Variants in PIEZO2 observed in about 807,000 individuals in gnomAD.
PIEZO2 encodes piezo-type mechanosensitive ion channel component 2.
In PIEZO2, 172 loss-of-function variants were observed where a neutral mutation model predicts 337.3. The observed-to-expected ratio is 0.51, with a 90% CI of 0.45 to 0.58. PIEZO2 has a LOEUF of 0.58. Ranked by LOEUF, PIEZO2 falls within the 20% of genes least tolerant of loss-of-function variation. The pLI is 0.00. For missense variants in PIEZO2, 3,028 were observed against 3,391.3 expected, an observed-to-expected ratio of 0.89 and a Z score of 2.66; for synonymous variants, 1,251 against 1,228.5, an observed-to-expected ratio of 1.02 and a Z score of -0.38.
intron 18 of PIEZO2, among the ~76,000 whole-genome samples, chr18:10,777,231 G>A (rs906372657): frequency 1.3e-5 from 2 of 152,142 alleles, no homozygotes; most frequent in Non-Finnish European, 2.9e-5. Context: ...CCTTCTCACT[G>A]ACCATTAAGC....
intron 15 of PIEZO2, 84 bp from the exon 16 acceptor site, chr18:10,787,268 A>C: frequency 8.1e-7 from 1 of 1,241,436 alleles, no homozygotes; most frequent in Non-Finnish European, 1.1e-6. Context: ...AATTCAAGTA[A>C]GACAAGTGAT....
chr18:11,056,694 G>A (rs189633067), intron 2 of PIEZO2, among the ~76,000 whole-genome samples: 90 of 152,206 alleles, frequency 5.9e-4, no homozygotes, highest in African/African-American at 2.1e-3. Flanking sequence ...AAGAACGAGG[G>A]CCATCCAGGA....
chr18:11,106,486 T>C lies in PIEZO2; in HGVS notation c.65-40264A>G, dbSNP rs140135476. 7.6e-3 allele frequency among the ~76,000 whole-genome samples: 1,117 copies of C among 147,610 alleles called. 16 individuals carry two copies. Among genetic ancestry groups the C allele is most frequent in the African/African-American group, 0.027 (1,047 of 39,374 alleles). On this transcript the variant is annotated intron_variant, in intron 1 of 55. Coordinates refer to ENST00000674853, the MANE Select transcript of PIEZO2 (RefSeq NM_001378183.1). ...TCAGTGGTGCAATCATAGCTCATTG[T>C]AACCGTGAACTCCTGGGCTCGGGTG...
intron 27 of PIEZO2, among the ~76,000 whole-genome samples, chr18:10,754,673 A>G (rs531170276): frequency 1.1e-3 from 170 of 152,322 alleles, no homozygotes; most frequent in Admixed American, 4.1e-3. Flanking sequence ...TAAAAATGGA[A>G]GTCTTACCTT....
chr18:11,070,749 G>T lies in PIEZO2; in HGVS notation c.65-4527C>A, dbSNP rs145431601. ...AACGTGCTGCCACAACCAGGAAGCTGGAAGCAAGAAGGGGAGGCCCGGGAG... is the reference window on the plus strand; with the variant it reads ...AACGTGCTGCCACAACCAGGAAGCTTGAAGCAAGAAGGGGAGGCCCGGGAG... On this transcript the variant is annotated intron_variant, in intron 1 of 55. Coordinates refer to ENST00000674853, the MANE Select transcript of PIEZO2 (RefSeq NM_001378183.1). The surrounding 1 kb of genome is among the most constrained non-coding windows in gnomAD (Gnocchi z 4.3). Among the ~76,000 whole-genome samples, 1 of 152,304 alleles carries T rather than the reference G, an allele frequency of 6.6e-6. No individual in the cohort carries two copies. Among genetic ancestry groups the T allele is most frequent in the African/African-American group, 2.4e-5 (1 of 41,570 alleles).
At chr18:11,062,019 C>T (rs1321962952) in intron 2 of PIEZO2, among the ~76,000 whole-genome samples, 2 of 152,140 alleles carry the variant, frequency 1.3e-5, no homozygotes, top group Non-Finnish European at 2.9e-5. Flanking sequence ...TACTACAAGG[C>T]TACAGTAACC....
At position 10,846,607 on chromosome 18, in the gene PIEZO2, G is replaced by A. The variant is rs541648193; in HGVS notation, c.917+8746C>T. On this transcript the variant is annotated intron_variant, in intron 7 of 55. Coordinates refer to ENST00000674853, the MANE Select transcript of PIEZO2 (RefSeq NM_001378183.1). This position sits in a 1 kb window ranked among gnomAD's most constrained non-coding sequence, Gnocchi z 4.1. ...GCCCATCATGGCTCTGAAGAACTGG[G>A]TCCTAGTGAGTCAGACATATGCATG... 2.0e-5 allele frequency among the ~76,000 whole-genome samples: 3 copies of A among 152,166 alleles called. No homozygotes were observed. The East Asian group carries it at 5.8e-4, about 29-fold the overall frequency.
chr18:10,842,911 C>G (rs969949393), intron 7 of PIEZO2, among the ~76,000 whole-genome samples: 2 of 152,214 alleles, frequency 1.3e-5, no homozygotes, highest in Non-Finnish European at 2.9e-5. Flanking sequence ...GCTTTTGTAG[C>G]AAATTCTGTA....
At chr18:10,825,518 CTCT>C (rs2040643087) in intron 7 of PIEZO2, among the ~76,000 whole-genome samples, 1 of 120,596 alleles carries the variant, frequency 8.3e-6, no homozygotes, top group African/African-American at 3.4e-5. Flanking sequence ...AAAGAAGTTG[CTCT>C]TTTTTTTTCC....
Position 10,884,523 on chromosome 18 carries a change from C to A in PIEZO2, c.330-13108G>T, listed in dbSNP as rs539726086. Reference sequence around the variant, plus strand: ...AAAAACAGAGCCACACCACATGGCTCACATCCTGAAATGGCTTGCCTTCCA... The same window carrying A: ...AAAAACAGAGCCACACCACATGGCTAACATCCTGAAATGGCTTGCCTTCCA... On this transcript the variant is annotated intron_variant, in intron 4 of 55. Transcript: ENST00000674853. Among the ~76,000 whole-genome samples the A allele has an allele frequency of 2.0e-4, 30 of 152,284 alleles. No individual in the cohort carries two copies. In the East Asian group the frequency reaches 4.3e-3, roughly 22 times the overall value.
At chr18:10,990,487 G>C (rs2035046548) in intron 2 of PIEZO2, among the ~76,000 whole-genome samples, 2 of 152,032 alleles carry the variant, frequency 1.3e-5, no homozygotes, top group Non-Finnish European at 2.9e-5. Flanking sequence ...CTGGGCCTTG[G>C]TCTGCCCCCG....
intron 2 of PIEZO2, among the ~76,000 whole-genome samples, chr18:11,051,249 A>G (rs946404917): frequency 1.3e-5 from 2 of 152,100 alleles, no homozygotes; most frequent in Non-Finnish European, 2.9e-5. Flanking sequence ...TGCATTCAGA[A>G]CAAAGGCTCT....
chr18:11,060,125 C>T (rs7407896), intron 2 of PIEZO2, among the ~76,000 whole-genome samples: 69,211 of 151,958 alleles, frequency 0.46, 18,720 homozygotes, highest in East Asian at 0.95. Flanking sequence ...ACTCAACTAC[C>T]TGGAAACTGA....
chr18:10,975,841 C>A (rs1170118615), intron 3 of PIEZO2, among the ~76,000 whole-genome samples: 1 of 152,156 alleles, frequency 6.6e-6, no homozygotes, highest in Non-Finnish European at 1.5e-5. Context: ...ATATGATCGA[C>A]TTGTCTGGGT....
In PIEZO2 at chr18:10,705,741, G is replaced by T; in HGVS notation, c.5594C>A (p.Pro1865His). The T allele has an allele frequency of 6.6e-7, 1 of 1,523,518 alleles. No individual in the cohort carries two copies. The highest frequency in any genetic ancestry group is 1.2e-5 in the South Asian group (1 of 83,098). The allele number at this position is 1,523,518 out of a possible 1,614,324, so 94.4% of individuals were successfully genotyped here. A position where few individuals can be genotyped will look rare whatever the true frequency, so the allele number is the denominator to read the frequency against. The change falls in exon 41 of 56, where the codon CCC becomes CAC. Residue 1865 changes from proline (P) to histidine (H), a missense_variant. Physicochemically the swap from Pro to His is moderately conservative, Grantham distance 77 (BLOSUM62 -2). Coordinates refer to ENST00000674853, the MANE Select transcript of PIEZO2 (RefSeq NM_001378183.1). ...TGAGTACAGCATGGTACACTGCGTG[G>T]GCTCGCTGTTGGGAGAAAGCGTGGG... ...ADSGSLASSE[P>H]TQCTMLYSRQ...
chr18:11,081,095 T>C (rs1253491047), intron 1 of PIEZO2, among the ~76,000 whole-genome samples: 1 of 152,162 alleles, frequency 6.6e-6, no homozygotes, highest in Non-Finnish European at 1.5e-5. Context: ...ACAAGAAAGT[T>C]TCCTGAGTCA....
intron 12 of PIEZO2, among the ~76,000 whole-genome samples, chr18:10,796,684 T>A (rs567164059): frequency 3.3e-5 from 5 of 152,362 alleles, no homozygotes; most frequent in African/African-American, 1.2e-4. Flanking sequence ...GACCGTTCTC[T>A]GCCAAGGCAT....
chr18:10,709,320 G>C (rs907689358), intron 39 of PIEZO2: 5 of 152,244 alleles, frequency 3.3e-5, no homozygotes, highest in Non-Finnish European at 7.3e-5. Context: ...GCTCATGAGA[G>C]GAGGCACACA....
intron 1 of PIEZO2, among the ~76,000 whole-genome samples, chr18:11,108,684 T>C (rs2146130727): frequency 6.7e-6 from 1 of 148,496 alleles, no homozygotes; most frequent in Admixed American, 6.7e-5. Flanking sequence ...CATATTTTCA[T>C]ATATGTTGTC....
Sources: gnomAD v4.1 joint callset for allele counts (sites outside exome capture counted in the v4.1 genomes callset) on GRCh38, gnomAD v4.1.1 for gene constraint, Gnocchi (gnomAD v3.1) non-coding constraint, MANE v1.5 for transcripts, NCBI Gene and HGNC (gene_info 2026-07-23, HGNC 2026-07-21) for gene names.